Variants in TBC1D2B observed in about 807,000 individuals in gnomAD.
TBC1D2B encodes TBC1 domain family, member 2B.
In TBC1D2B, 64 loss-of-function variants were observed where a neutral mutation model predicts 100.8. That is an observed-to-expected ratio of 0.64 (90% CI 0.52 to 0.78). TBC1D2B has a LOEUF of 0.78. Ranked by LOEUF, TBC1D2B falls within the 30% of genes least tolerant of loss-of-function variation. TBC1D2B has a pLI of 0.00. For missense variants in TBC1D2B, 1,052 were observed against 1,218.4 expected (o/e 0.86, Z 2.03); for synonymous variants, 480 against 479.7 (o/e 1.00, Z -0.01).
intron 1 of TBC1D2B, 51 bp downstream of exon 1, chr15:78,077,242 C>A: frequency 7.1e-7 from 1 of 1,404,834 alleles, no homozygotes; most frequent in African/African-American, 1.5e-5. Flanking sequence ...GTGGCGGAGG[C>A]AGGGGACGCC....
At chr15:78,041,750 T>A (rs2073098279) in intron 3 of TBC1D2B, among the ~76,000 whole-genome samples, 1 of 152,174 alleles carries the variant, frequency 6.6e-6, no homozygotes, top group Non-Finnish European at 1.5e-5. Context: ...TGCCAGTCAA[T>A]AAGCATTAGT....
Position 78,012,830 on chromosome 15 carries a change from G to A in TBC1D2B, c.2263C>T (p.Leu755=). ...RNPDIGYCQG[L]NRLVAVALLY... ...TTTGTGCTGTGCACCCACCTGTTTAGGCCTTGACAGTAGCCGATATCTGGA... is the reference window on the plus strand; with the variant it reads ...TTTGTGCTGTGCACCCACCTGTTTAAGCCTTGACAGTAGCCGATATCTGGA... Residue 755 remains leucine, a synonymous_variant, in exon 9 of 13, where the codon CTA becomes TTA. Transcript: ENST00000300584. 1 of 1,512,208 alleles carries A rather than the reference G, an allele frequency of 6.6e-7. No homozygotes were observed. The highest frequency in any genetic ancestry group is 8.8e-7 in the Non-Finnish European group (1 of 1,131,208). 93.7% of individuals were successfully genotyped at this position (1,512,208 alleles called of 1,614,324 possible).
intron 3 of TBC1D2B, among the ~76,000 whole-genome samples, chr15:78,040,889 A>AAAGAAAGAAAGAAAGAAG (rs2073077944): frequency 6.8e-6 from 1 of 147,662 alleles, no homozygotes; most frequent in Admixed American, 6.7e-5. Context: ...AAAGAGAGAG[A>AAAGAAAGAAAGAAAGAAG]GAGAGAAAGA....
chr15:78,006,389 G>C lies in TBC1D2B; in HGVS notation c.2388+2608C>G, dbSNP rs566033381. Among the ~76,000 whole-genome samples, 6 of 152,316 alleles carry C rather than the reference G, an allele frequency of 3.9e-5. No individual in the cohort carries two copies. The East Asian group carries it at 1.2e-3, about 29-fold the overall frequency. ...TCATTTCCTACACACCAACGCAACA[G>C]AACAATACATTTCTTGGGTAATTAG... On this transcript the variant is annotated intron_variant, in intron 10 of 12. Coordinates refer to ENST00000300584, the MANE Select transcript of TBC1D2B (RefSeq NM_144572.2).
intron 1 of TBC1D2B, among the ~76,000 whole-genome samples, chr15:78,056,464 C>T (rs2073423850): frequency 6.6e-6 from 1 of 152,210 alleles, no homozygotes; most frequent in African/African-American, 2.4e-5. Flanking sequence ...TTAGTTCAGG[C>T]CAGAGGCCGT....
At chr15:78,077,139 A>G (rs1033316454) in intron 1 of TBC1D2B, among the ~76,000 whole-genome samples, 154 bp downstream of exon 1, 1 of 152,226 alleles carries the variant, frequency 6.6e-6, no homozygotes, top group Non-Finnish European at 1.5e-5. Flanking sequence ...GGAGATAGGA[A>G]CGAGGGCGGG....
At chr15:78,038,587 C>T (rs372728659) in intron 3 of TBC1D2B, among the ~76,000 whole-genome samples, 4 of 152,182 alleles carry the variant, frequency 2.6e-5, no homozygotes. Context: ...CTGAGGCAGT[C>T]GATTGAATTG....
At chr15:78,069,280 T>C (rs1268059585) in intron 1 of TBC1D2B, among the ~76,000 whole-genome samples, 1 of 152,110 alleles carries the variant, frequency 6.6e-6, no homozygotes, top group African/African-American at 2.4e-5. Context: ...CCATTAGGAA[T>C]GCTTCAGGAA....
chr15:78,032,833 C>T (rs549267547), intron 3 of TBC1D2B, among the ~76,000 whole-genome samples: 2 of 151,876 alleles, frequency 1.3e-5, no homozygotes, highest in South Asian at 4.2e-4. Context: ...GAAATATGAC[C>T]TAAAATGAAA....
intron 3 of TBC1D2B, among the ~76,000 whole-genome samples, chr15:78,034,963 G>A (rs941835301): frequency 6.6e-6 from 1 of 152,056 alleles, no homozygotes; most frequent in Admixed American, 6.6e-5. Context: ...TACTCCATGA[G>A]GAGTTCACAG....
intron 3 of TBC1D2B, among the ~76,000 whole-genome samples, chr15:78,042,081 C>G (rs1426568932): frequency 3.9e-5 from 6 of 152,164 alleles, no homozygotes; most frequent in Admixed American, 3.9e-4. Context: ...AAAGGCACAG[C>G]TGATAGAAGA....
At chr15:78,042,194 T>C (rs2141762555) in intron 3 of TBC1D2B, among the ~76,000 whole-genome samples, 1 of 152,318 alleles carries the variant, frequency 6.6e-6, no homozygotes, top group East Asian at 1.9e-4. Flanking sequence ...TCAATCATCA[T>C]CCATGTTCCT....
At chr15:78,032,110 T>C (rs147585116) in intron 3 of TBC1D2B, among the ~76,000 whole-genome samples, 24 of 152,264 alleles carry the variant, frequency 1.6e-4, no homozygotes, top group Middle Eastern at 3.4e-3. Flanking sequence ...CGAGTACTGA[T>C]TGTGGCTTCG....
At chr15:78,063,435 T>C (rs1040316475) in intron 1 of TBC1D2B, among the ~76,000 whole-genome samples, 8 of 152,326 alleles carry the variant, frequency 5.3e-5, no homozygotes, top group African/African-American at 1.9e-4. Flanking sequence ...AGTTCCTCTA[T>C]GGTTTTTCTC....
intron 9 of TBC1D2B, among the ~76,000 whole-genome samples, chr15:78,010,047 C>G (rs1453213139): frequency 2.0e-5 from 3 of 152,038 alleles, no homozygotes; most frequent in African/African-American, 4.8e-5. Flanking sequence ...TCCAAATAAC[C>G]CTTTTATGCA....
chr15:78,022,189 T>A (rs958027892), intron 6 of TBC1D2B, among the ~76,000 whole-genome samples: 8 of 152,116 alleles, frequency 5.3e-5, no homozygotes, highest in Admixed American at 1.3e-4. Flanking sequence ...CGAAACTCTG[T>A]CTCTACTAAA....
At chr15:78,033,200 T>A (rs572637553) in intron 3 of TBC1D2B, among the ~76,000 whole-genome samples, 1 of 152,324 alleles carries the variant, frequency 6.6e-6, no homozygotes, top group South Asian at 2.1e-4. Flanking sequence ...ACATCTTAAT[T>A]CATTTGAGCA....
intron 3 of TBC1D2B, 49 bp downstream of exon 3, chr15:78,044,851 T>C (rs762335350): frequency 2.0e-6 from 3 of 1,474,008 alleles, no homozygotes; most frequent in Non-Finnish European, 2.8e-6. Context: ...ACATACATTA[T>C]CAGAAACAAC....
intron 1 of TBC1D2B, among the ~76,000 whole-genome samples, chr15:78,064,057 G>C (rs968246478): frequency 9.2e-5 from 14 of 151,990 alleles, no homozygotes; most frequent in African/African-American, 3.1e-4. Flanking sequence ...AAGAAATCTG[G>C]CCCACACTGC....
Sources: gnomAD v4.1 joint callset for allele counts (sites outside exome capture counted in the v4.1 genomes callset) on GRCh38, gnomAD v4.1.1 for gene constraint, MANE v1.5 for transcripts, NCBI Gene and HGNC (gene_info 2026-07-23, HGNC 2026-07-21) for gene names.